The following WDR83 variants were observed in gnomAD, a reference collection of about 807,000 sequenced individuals.
The protein encoded by WDR83 is WD repeat domain 83, also known as WD repeat domain-containing protein 83.
In WDR83, 37 loss-of-function variants were observed where a neutral mutation model predicts 37.7. That is an observed-to-expected ratio of 0.98 (90% CI 0.76 to 1.29). The LOEUF is 1.29. Among genes scored for constraint, WDR83 ranks in the 50% most tolerant of loss-of-function variants. The pLI, the probability that WDR83 is intolerant of heterozygous loss-of-function variation, is 0.00. For synonymous variants in WDR83, 174 were observed against 181.1 expected (o/e 0.96, Z 0.31); for missense variants, 445 against 414.4 (o/e 1.07, Z -0.64).
Position 12,670,478 on chromosome 19 carries a change from C to G in WDR83, c.331-85C>G. 6.2e-6 allele frequency: 10 copies of G among 1,603,608 alleles called. No individual in the cohort carries two copies. In the South Asian group the frequency reaches 1.1e-4, roughly 18 times the overall value. On this transcript the variant is annotated intron_variant, in intron 5 of 10. Transcript: ENST00000418543. ...CCAAAACCTTTCACCTCCCCTTCGCCCTTGCTTTAACCGACACTGGGAACC... is the reference window on the plus strand; with the variant it reads ...CCAAAACCTTTCACCTCCCCTTCGCGCTTGCTTTAACCGACACTGGGAACC...
intron 10 of WDR83, 94 bp downstream of exon 10, chr19:12,673,410 CTTTTTTTTTTTTTTTT>C (rs58676851): frequency 4.5e-6 from 1 of 220,352 alleles, no homozygotes; most frequent in Admixed American, 6.7e-5. Context: ...AGGCTAGGAT[CTTTTTTTTTTTTTTTT>C]TTTTTTTTTT....
chr19:12,671,708 G>GT lies in WDR83; in HGVS notation c.506+895dup, dbSNP rs575574289. 4.2e-3 allele frequency among the ~76,000 whole-genome samples: 633 copies of GT among 151,954 alleles called. 5 individuals are homozygous for GT. The highest frequency in any genetic ancestry group is 0.014 in the African/African-American group (592 of 41,464). On this transcript the variant is annotated intron_variant, in intron 7 of 10. Transcript: ENST00000418543. ...AAAATAATCATAAGGAAGAATTTTT[G>GT]TTTTTTTTGAGACGCAGTCTCGCTC...
intron 7 of WDR83, chr19:12,671,258 T>C (rs887328996): frequency 1.2e-5 from 2 of 164,856 alleles, no homozygotes; most frequent in Admixed American, 5.8e-5. Flanking sequence ...AACCCGGGAG[T>C]TGGAGGTTGC....
chr19:12,673,436 T>G (rs978837168), intron 10 of WDR83, 120 bp downstream of exon 10: 4 of 624,554 alleles, frequency 6.4e-6, no homozygotes, highest in Non-Finnish European at 7.8e-6. Flanking sequence ...TTTTTTTTTT[T>G]GAGACAAGTC....
At chr19:12,669,501 C>A in intron 2 of WDR83, 1 of 1,425,630 alleles carries the variant, frequency 7.0e-7, no homozygotes, top group Non-Finnish European at 9.6e-7. Context: ...CCGAGGCCCT[C>A]GCATTTCCGT....
intron 10 of WDR83, among the ~76,000 whole-genome samples, chr19:12,674,640 G>A (rs925005348): frequency 1.3e-5 from 2 of 152,312 alleles, no homozygotes. Flanking sequence ...TTGGGACCAG[G>A]GGAAGTGGGG....
At position 12,668,629 on chromosome 19, in the gene WDR83, T is replaced by G. The variant is rs540797030; in HGVS notation, c.-37+2T>G. ...GCACACCACTTCAGCTAGGGAAAGG[T>G]AAGTGGGTGGGCAGGTTAGTGAAAG... On this transcript the variant is annotated splice_donor_variant, in intron 2 of 10. Transcript: ENST00000418543. LOFTEE classifies it low-confidence loss of function (5UTR_SPLICE). 2.5e-6 allele frequency: 4 copies of G among 1,612,138 alleles called. No individual in the cohort carries two copies. The South Asian group carries it at 4.4e-5, about 18-fold the overall frequency.
rs771915812 is a variant in WDR83, at chr19:12,668,499, G to C, written c.-156-9G>C. The C allele has an allele frequency of 1.2e-6, 2 of 1,613,774 alleles. No homozygotes were observed. The highest frequency in any genetic ancestry group is 2.7e-5 in the African/African-American group (2 of 74,908). ...CCCACCCCTTACTCAAGAGTCACTT[G>C]TTCTGTAGGGCAAGTCTCACATGAA... On this transcript the variant is annotated splice_polypyrimidine_tract_variant and intron_variant, in intron 1 of 10. Transcript: ENST00000418543.
At position 12,669,754 on chromosome 19, in the gene WDR83, G is replaced by C. The variant is rs1020124583; in HGVS notation, c.-36-1G>C. On this transcript the variant is annotated splice_acceptor_variant, in intron 2 of 10. Coordinates refer to ENST00000418543, the MANE Select transcript of WDR83 (RefSeq NM_001099737.3). LOFTEE classifies it low-confidence loss of function (5UTR_SPLICE). The stretch of plus-strand genomic sequence containing the variant: ...TCTAAGGCGCGGAATTTTCCGTACA[G>C]ACCGATTTAAGGCTGCAAGGAAGGA... 2.5e-5 allele frequency: 39 copies of C among 1,547,704 alleles called. No homozygotes were observed. The highest frequency in any genetic ancestry group is 3.2e-5 in the Non-Finnish European group (37 of 1,147,480).
chr19:12,670,297 C>A lies in WDR83; in HGVS notation c.330+12C>A. On this transcript the variant is annotated intron_variant, in intron 5 of 10. Coordinates refer to ENST00000418543, the MANE Select transcript of WDR83 (RefSeq NM_001099737.3). ...GGGGCCACGCAGGGGTGAGTGAAAG[C>A]CTGGAGACCCTCATTTGAGTGGAGG... The A allele has an allele frequency of 6.2e-7, 1 of 1,611,804 alleles. No individual in the cohort carries two copies. The highest frequency in any genetic ancestry group is 8.5e-7 in the Non-Finnish European group (1 of 1,178,660).
chr19:12,667,404 T>A (rs116702610), intron 1 of WDR83, among the ~76,000 whole-genome samples: 108 of 152,298 alleles, frequency 7.1e-4, no homozygotes, highest in Admixed American at 1.6e-3. Flanking sequence ...CACTTGGGCC[T>A]GGGAGTTTGA....
chr19:12,668,461 A>C lies in WDR83; in HGVS notation c.-156-47A>C. ...AGAGAGGTGTCAGTCTAGGATGGCC[A>C]GGCTGGGGTCCCCCCACCCCTTACT... is the stretch of plus-strand genomic sequence containing the variant. On this transcript the variant is annotated intron_variant, in intron 1 of 10. Transcript: ENST00000418543. 7 of 1,613,256 alleles carry C rather than the reference A, an allele frequency of 4.3e-6. No homozygotes were observed. In the South Asian group the frequency reaches 7.7e-5, roughly 18 times the overall value.
intron 2 of WDR83, chr19:12,669,161 G>T (rs774000365): frequency 6.2e-7 from 1 of 1,614,138 alleles, no homozygotes; most frequent in East Asian, 2.2e-5. Context: ...TGAAGATCAT[G>T]CCCAGCAGGT....
At chr19:12,675,181 C>T (rs965083980) in intron 10 of WDR83, among the ~76,000 whole-genome samples, 1 of 152,166 alleles carries the variant, frequency 6.6e-6, no homozygotes, top group African/African-American at 2.4e-5. Context: ...AGTCCTAGCA[C>T]TTTGGGAGGC....
rs186014846 is a variant in WDR83 at position 12,674,072 on chromosome 19, T to C, written c.798+756T>C. 4.5e-3 allele frequency among the ~76,000 whole-genome samples: 683 copies of C among 152,292 alleles called. 5 individuals carry two copies. The highest frequency in any genetic ancestry group is 0.016 in the African/African-American group (650 of 41,548). ...ACAGCATATGTTAAGAGGTGTAGCC[T>C]GCGCATGCATCAGTCAGGAAACAAA... On this transcript the variant is annotated intron_variant, in intron 10 of 10. Transcript: ENST00000418543.
chr19:12,669,329 G>C (rs201179604), intron 2 of WDR83: 2 of 1,605,278 alleles, frequency 1.2e-6, no homozygotes, highest in Non-Finnish European at 1.7e-6. Flanking sequence ...ACCCGAACCC[G>C]TGCCCACGAC....
chr19:12,673,045 G>T lies in WDR83; in HGVS notation c.612G>T (p.Gln204His). The change falls in exon 9 of 11, where the codon CAG (glutamine) becomes CAT (histidine). Residue 204 changes from glutamine (Q) to histidine (H), a missense_variant. Transcript: ENST00000418543. ...GCACCTGCTTCAGCCGGGATGGGCAGTGCACCCTGGTGTCCAGCCTGGACT... is the reference window on the plus strand; with the variant it reads ...GCACCTGCTTCAGCCGGGATGGGCATTGCACCCTGGTGTCCAGCCTGGACT... ...ITCTCFSRDGQCTLVSSLDST... is the reference protein window; with the variant it reads ...ITCTCFSRDGHCTLVSSLDST... 1 of 1,613,708 alleles carries T rather than the reference G, an allele frequency of 6.2e-7. No homozygotes were observed. The highest frequency in any genetic ancestry group is 8.5e-7 in the Non-Finnish European group (1 of 1,179,708).
rs1599365928 is a variant in WDR83, at chr19:12,669,484, G to C, written c.-36-271G>C. On this transcript the variant is annotated intron_variant, in intron 2 of 10. Coordinates refer to ENST00000418543, the MANE Select transcript of WDR83 (RefSeq NM_001099737.3). ...GTGCAAGCTGAGGGCGGATTTTAGA[G>C]TAACACCCGAGGCCCTCGCATTTCC... 2.6e-6 allele frequency: 4 copies of C among 1,512,452 alleles called. No homozygotes were observed. The East Asian group carries it at 7.4e-5, about 28-fold the overall frequency. The allele number at this position is 1,512,452 out of a possible 1,614,324, so 93.7% of individuals were successfully genotyped here. A position where few individuals can be genotyped will look rare whatever the true frequency, so the allele number is the denominator to read the frequency against.
At chr19:12,671,784 A>G (rs1249978186) in intron 7 of WDR83, among the ~76,000 whole-genome samples, 1 of 152,004 alleles carries the variant, frequency 6.6e-6, no homozygotes, top group African/African-American at 2.4e-5. Flanking sequence ...TGCAACCTCT[A>G]ACTTCTAGGT....
Sources: gnomAD v4.1 joint callset for allele counts (sites outside exome capture counted in the v4.1 genomes callset) on GRCh38, gnomAD v4.1.1 for gene constraint, MANE v1.5 for transcripts, NCBI Gene and HGNC (gene_info 2026-07-23, HGNC 2026-07-21) for gene names.